SSBP2: variants seen among roughly 807,000 people sequenced by gnomAD.
The protein encoded by SSBP2 is single-stranded DNA-binding protein 2.
Under a neutral mutation model 61.8 loss-of-function variants are expected in SSBP2, and 17 were observed. That is an observed-to-expected ratio of 0.28 (90% CI 0.19 to 0.41). SSBP2 has a LOEUF of 0.41. Ranked by LOEUF, SSBP2 falls within the 10% of genes least tolerant of loss-of-function variation. The pLI is 1.00. For missense variants in SSBP2, 310 were observed against 458.7 expected, an observed-to-expected ratio of 0.68 and a Z score of 2.96; for synonymous variants, 139 against 141.3, an observed-to-expected ratio of 0.98 and a Z score of 0.12.
rs1490422649 is a variant in SSBP2 at position 81,415,849 on chromosome 5, T to A, written c.*4655A>T. The A allele has an allele frequency of 7.2e-6, 1 of 138,896 alleles. No individual in the cohort carries two copies. Among genetic ancestry groups the A allele is most frequent in the African/African-American group, 2.9e-5 (1 of 34,680 alleles). 8.6% of individuals were successfully genotyped at this position (138,896 alleles called of 1,614,324 possible). On this transcript the variant is annotated 3_prime_UTR_variant, in exon 17 of 17. Transcript: ENST00000320672. ...ATTGCATGAACCCGGGAGGTGAAGG[T>A]TGCAGTGAGCCGAGATCACACCATT...
At chr5:81,672,127 AGTG>A (rs1751622272) in intron 1 of SSBP2, among the ~76,000 whole-genome samples, 1 of 152,178 alleles carries the variant, frequency 6.6e-6, no homozygotes, top group Non-Finnish European at 1.5e-5. Flanking sequence ...TTATATTTAT[AGTG>A]TTTTATAGCT....
At chr5:81,435,020 G>T (rs1233923639) in intron 15 of SSBP2, among the ~76,000 whole-genome samples, 2 of 152,232 alleles carry the variant, frequency 1.3e-5, no homozygotes, top group Non-Finnish European at 2.9e-5. Context: ...ATCACCCAGG[G>T]GTCGGCCAGC....
chr5:81,589,377 T>C (rs1372828049), intron 4 of SSBP2, among the ~76,000 whole-genome samples: 1 of 152,150 alleles, frequency 6.6e-6, no homozygotes, highest in Admixed American at 6.5e-5. Context: ...AAACCAATAA[T>C]AAAAATTTCT....
intron 8 of SSBP2, among the ~76,000 whole-genome samples, chr5:81,467,495 C>T (rs1764969381): frequency 6.6e-6 from 1 of 151,838 alleles, no homozygotes; most frequent in African/African-American, 2.4e-5. Context: ...TAAATGCAAA[C>T]TTCTATTCAC....
chr5:81,623,914 G>A (rs1746882090), intron 3 of SSBP2, among the ~76,000 whole-genome samples: 1 of 152,146 alleles, frequency 6.6e-6, no homozygotes, highest in Admixed American at 6.5e-5. Flanking sequence ...TATAGGTGGT[G>A]TTTCTGAGAA....
chr5:81,524,327 AG>A (rs1769742780), intron 4 of SSBP2, among the ~76,000 whole-genome samples: 1 of 152,068 alleles, frequency 6.6e-6, no homozygotes, highest in Non-Finnish European at 1.5e-5. Context: ...CAGAGCCTCT[AG>A]GTAAGAGTCT....
At chr5:81,659,815 T>C (rs898303203) in intron 1 of SSBP2, among the ~76,000 whole-genome samples, 1 of 152,128 alleles carries the variant, frequency 6.6e-6, no homozygotes, top group Admixed American at 6.5e-5. Flanking sequence ...CAAAACAGCA[T>C]GGTACTGGTA....
At chr5:81,559,629 TGA>T (rs1375130979) in intron 4 of SSBP2, among the ~76,000 whole-genome samples, 9 of 152,046 alleles carry the variant, frequency 5.9e-5, no homozygotes, top group African/African-American at 2.2e-4. Flanking sequence ...TTAAATTATG[TGA>T]GTTATTGAAC....
chr5:81,479,519 TGA>T (rs1765826011), intron 6 of SSBP2, among the ~76,000 whole-genome samples: 1 of 152,084 alleles, frequency 6.6e-6, no homozygotes, highest in Non-Finnish European at 1.5e-5. Context: ...CTTGAACTCC[TGA>T]CCTCAAGTGA....
At chr5:81,627,459 C>G (rs1467165076) in intron 3 of SSBP2, among the ~76,000 whole-genome samples, 3 of 152,118 alleles carry the variant, frequency 2.0e-5, no homozygotes, top group Admixed American at 6.5e-5. Context: ...TGAGTAAAAA[C>G]CAGTAAGCCA....
intron 4 of SSBP2, among the ~76,000 whole-genome samples, chr5:81,609,626 C>A (rs1745247917): frequency 6.6e-6 from 1 of 152,108 alleles, no homozygotes; most frequent in African/African-American, 2.4e-5. Flanking sequence ...CCTGGTGAAA[C>A]CCCACCTCCA....
intron 5 of SSBP2, among the ~76,000 whole-genome samples, chr5:81,512,728 C>G (rs1440221156): frequency 2.6e-5 from 4 of 151,972 alleles, no homozygotes; most frequent in Non-Finnish European, 4.4e-5. Flanking sequence ...ATTGATGACC[C>G]TGCAATGATG....
At position 81,636,283 on chromosome 5, in the gene SSBP2, C is replaced by A. The variant is rs372841204; in HGVS notation, c.197+274G>T. On this transcript the variant is annotated intron_variant, in intron 3 of 16. Coordinates refer to ENST00000320672, the MANE Select transcript of SSBP2 (RefSeq NM_012446.5). ...TCTGCTGTTTAAGCCACCTATTCTACGGTATTTTGTTATGGCATCCCAAGC... is the reference window on the plus strand; with the variant it reads ...TCTGCTGTTTAAGCCACCTATTCTAAGGTATTTTGTTATGGCATCCCAAGC... Among the ~76,000 whole-genome samples the A allele has an allele frequency of 6.6e-5, 10 of 152,262 alleles. No individual in the cohort carries two copies. In the East Asian group the frequency reaches 1.5e-3, roughly 23 times the overall value.
At chr5:81,596,181 T>C (rs1743727911) in intron 4 of SSBP2, among the ~76,000 whole-genome samples, 2 of 152,236 alleles carry the variant, frequency 1.3e-5, no homozygotes, top group South Asian at 4.1e-4. Flanking sequence ...ACAAGCATTC[T>C]TATACACCAG....
intron 4 of SSBP2, among the ~76,000 whole-genome samples, chr5:81,551,096 GAAA>G (rs35816072): frequency 2.5e-5 from 2 of 80,220 alleles, no homozygotes; most frequent in African/African-American, 4.2e-5. Context: ...ACTCCATCTC[GAAA>G]AAAAAAAAAA....
At chr5:81,526,048 T>C (rs1769910238) in intron 4 of SSBP2, among the ~76,000 whole-genome samples, 1 of 152,054 alleles carries the variant, frequency 6.6e-6, no homozygotes, top group Non-Finnish European at 1.5e-5. Context: ...CTTCTAAAAA[T>C]ATCATATCCC....
In SSBP2 at chr5:81,460,996, G is replaced by A. The variant is rs1764499227; in HGVS notation, c.687+59C>T. 3 of 1,079,690 alleles carry A rather than the reference G, an allele frequency of 2.8e-6. No individual in the cohort carries two copies. The South Asian group carries it at 9.1e-5, about 33-fold the overall frequency. 66.9% of individuals were successfully genotyped at this position (1,079,690 alleles called of 1,614,324 possible). A position where few individuals can be genotyped will look rare whatever the true frequency, so the allele number is the denominator to read the frequency against. On this transcript the variant is annotated intron_variant, in intron 10 of 16. Coordinates refer to ENST00000320672, the MANE Select transcript of SSBP2 (RefSeq NM_012446.5). Reference sequence around the variant, plus strand: ...GCTTTCAAAAGCAAAATGTTTTTGTGATTTTTGTTAAATGTTACAAAATGC... The same window carrying A: ...GCTTTCAAAAGCAAAATGTTTTTGTAATTTTTGTTAAATGTTACAAAATGC...
chr5:81,487,237 T>C lies in SSBP2; in HGVS notation c.432+2013A>G, dbSNP rs114264394. ...ACAAGTATTCCATAGTGTTAAGCAT[T>C]TAATTTCTTCTCGGGTTATATACAT... is the stretch of plus-strand genomic sequence containing the variant. On this transcript the variant is annotated intron_variant, in intron 6 of 16. Coordinates refer to ENST00000320672, the MANE Select transcript of SSBP2 (RefSeq NM_012446.5). Among the ~76,000 whole-genome samples, 1,443 of 152,322 alleles carry C rather than the reference T, an allele frequency of 9.5e-3. 11 individuals are homozygous for C. The highest frequency in any genetic ancestry group is 0.015 in the Non-Finnish European group (1,032 of 68,014).
chr5:81,567,515 A>G (rs1773514332), intron 4 of SSBP2, among the ~76,000 whole-genome samples: 1 of 152,200 alleles, frequency 6.6e-6, no homozygotes, highest in African/African-American at 2.4e-5. Context: ...GCTCTCATGG[A>G]GAACCTCTGC....
Sources: gnomAD v4.1 joint callset for allele counts (sites outside exome capture counted in the v4.1 genomes callset) on GRCh38, gnomAD v4.1.1 for gene constraint, MANE v1.5 for transcripts, NCBI Gene and HGNC (gene_info 2026-07-23, HGNC 2026-07-21) for gene names.